The following UBE2D2 variants were observed in gnomAD, a reference collection of about 807,000 sequenced individuals.
UBE2D2 encodes ubiquitin-conjugating enzyme E2 D2.
UBE2D2 carries 2 observed loss-of-function variants against 24.2 expected under a neutral mutation model. That is an observed-to-expected ratio of 0.08 (90% confidence interval 0.03 to 0.26). The LOEUF (loss-of-function observed/expected upper bound fraction) is 0.26. Ranked by LOEUF, UBE2D2 falls within the 10% of genes least tolerant of loss-of-function variation. The pLI is 1.00. For synonymous variants in UBE2D2, 58 were observed against 56.5 expected, an observed-to-expected ratio of 1.03 and a Z score of -0.12; for missense variants, 44 against 177.6, an observed-to-expected ratio of 0.25 and a Z score of 4.28.
chr5:139,570,631 C>T (rs1464688981), intron 1 of UBE2D2, among the ~76,000 whole-genome samples: 1 of 152,200 alleles, frequency 6.6e-6, no homozygotes, highest in Admixed American at 6.6e-5. Context: ...CCAGCTTCAG[C>T]CTCCAGAGTA....
At chr5:139,551,633 A>G (rs1414389150) in intron 1 of UBE2D2, among the ~76,000 whole-genome samples, 1 of 152,208 alleles carries the variant, frequency 6.6e-6, no homozygotes, top group African/African-American at 2.4e-5. Flanking sequence ...GATGCTAGAC[A>G]CTGGGGATTA....
intron 1 of UBE2D2, among the ~76,000 whole-genome samples, chr5:139,538,813 C>A (rs977561460): frequency 1.3e-5 from 2 of 149,916 alleles, no homozygotes; most frequent in East Asian, 4.0e-4. Flanking sequence ...GCGGAGGTTG[C>A]GGTGAGCGAT....
At chr5:139,614,517 A>ATATGT (rs1390058509) in intron 2 of UBE2D2, 69 bp from the exon 3 acceptor site, 9 of 1,546,428 alleles carry the variant, frequency 5.8e-6, no homozygotes, top group Non-Finnish European at 7.1e-6. Context: ...AAGGGGAATG[A>ATATGT]TATGTTACTA....
rs1169340176 is a variant in UBE2D2, at chr5:139,603,623, GAAAAAAA to G, written c.88+3205_88+3211del. On this transcript the variant is annotated intron_variant, in intron 2 of 6. Transcript: ENST00000398733. ...GGTGACAGAGTGAGACTCTGTCTCC[GAAAAAAA>G]AAAAAAAAAAAAAAAAGGCTGGGTG... Among the ~76,000 whole-genome samples, 152 of 37,216 alleles carry G rather than the reference GAAAAAAA, an allele frequency of 4.1e-3. 1 individual carries two copies. Among genetic ancestry groups the G allele is most frequent in the African/African-American group, 0.017 (145 of 8,598 alleles). 24.4% of individuals were successfully genotyped at this position (37,216 alleles called of 152,430 possible).
At chr5:139,604,247 TCTC>T (rs1402001623) in intron 2 of UBE2D2, among the ~76,000 whole-genome samples, 1 of 151,602 alleles carries the variant, frequency 6.6e-6, no homozygotes, top group African/African-American at 2.4e-5. Flanking sequence ...TTCAAGCAGT[TCTC>T]CTGCCTCAGC....
intron 1 of UBE2D2, among the ~76,000 whole-genome samples, chr5:139,533,243 G>A (rs1473135711): frequency 6.6e-6 from 1 of 151,952 alleles, no homozygotes; most frequent in South Asian, 2.1e-4. Context: ...GAGTGCAGTG[G>A]TGCAATCTCA....
chr5:139,599,354 G>T (rs1351316057), intron 1 of UBE2D2, among the ~76,000 whole-genome samples: 1 of 152,044 alleles, frequency 6.6e-6, no homozygotes, highest in African/African-American at 2.4e-5. Flanking sequence ...GACTTTAGGA[G>T]CTTGTCCCAA....
intron 1 of UBE2D2, among the ~76,000 whole-genome samples, chr5:139,572,861 C>A (rs1753382934): frequency 1.3e-5 from 2 of 151,898 alleles, no homozygotes. Context: ...CCAGGCTGGT[C>A]TTGAACTCCT....
intron 6 of UBE2D2, among the ~76,000 whole-genome samples, chr5:139,625,807 G>A (rs1322080627): frequency 1.3e-5 from 2 of 151,896 alleles, no homozygotes; most frequent in South Asian, 2.1e-4. Context: ...ATTTTGCCAT[G>A]TTGGCCAGGC....
Position 139,561,556 on chromosome 5 carries a change from C to T in UBE2D2, c.-236C>T. On this transcript the variant is annotated 5_prime_UTR_variant, in exon 1 of 7. Coordinates refer to ENST00000398733, the MANE Select transcript of UBE2D2 (RefSeq NM_003339.3). Reference sequence around the variant, plus strand: ...GCTACGGCGGCGGCGGCGGTGGCGGCTAGGGCGGCGGCGAATAAAGGGGCC... The same window carrying T: ...GCTACGGCGGCGGCGGCGGTGGCGGTTAGGGCGGCGGCGAATAAAGGGGCC... The T allele has an allele frequency of 2.4e-6, 1 of 420,842 alleles. No individual in the cohort carries two copies. The highest frequency in any genetic ancestry group is 4.2e-6 in the Non-Finnish European group (1 of 239,238). 26.1% of individuals were successfully genotyped at this position (420,842 alleles called of 1,614,324 possible). A position where few individuals can be genotyped will look rare whatever the true frequency, so the allele number is the denominator to read the frequency against.
rs545681402 is a variant in UBE2D2 at position 139,598,159 on chromosome 5, G to A, written c.25-2213G>A. Among the ~76,000 whole-genome samples the A allele has an allele frequency of 1.5e-3, 222 of 152,186 alleles. 1 individual carries two copies. The highest frequency in any genetic ancestry group is 4.7e-3 in the African/African-American group (194 of 41,516). ...CTCGTGATCTGCCTGCCTCAGCCTC[G>A]TGCTGGGATTACAGGCATGAGTCAC... On this transcript the variant is annotated intron_variant, in intron 1 of 6. Coordinates refer to ENST00000398733, the MANE Select transcript of UBE2D2 (RefSeq NM_003339.3).
upstream of UBE2D2, chr5:139,561,251 C>A (rs1437397748): frequency 6.6e-6 from 1 of 152,446 alleles, no homozygotes; most frequent in African/African-American, 2.4e-5. Context: ...CCCTCCGCCG[C>A]CGGCGCGGCT....
intron 2 of UBE2D2, among the ~76,000 whole-genome samples, chr5:139,613,967 CAGG>C (rs568358807): frequency 2.0e-5 from 3 of 149,394 alleles, no homozygotes; most frequent in Non-Finnish European, 4.4e-5. Context: ...GAGGCTGAGG[CAGG>C]AGAATTGCTT....
intron 2 of UBE2D2, among the ~76,000 whole-genome samples, chr5:139,611,331 C>A (rs1490938576): frequency 6.6e-6 from 1 of 151,628 alleles, no homozygotes; most frequent in African/African-American, 2.4e-5. Context: ...GGATTACAGA[C>A]GCCCGCCATC....
chr5:139,606,773 G>A (rs753992660), intron 2 of UBE2D2, among the ~76,000 whole-genome samples: 101 of 152,068 alleles, frequency 6.6e-4, no homozygotes, highest in Non-Finnish European at 1.3e-3. Flanking sequence ...CTATTTTGGG[G>A]GTCCTTTTTA....
At chr5:139,607,162 G>C (rs1754217621) in intron 2 of UBE2D2, among the ~76,000 whole-genome samples, 1 of 152,168 alleles carries the variant, frequency 6.6e-6, no homozygotes, top group South Asian at 2.1e-4. Context: ...TCTGTCACTA[G>C]CTTCTCTGAT....
chr5:139,560,584 A>G (rs918423597), upstream of UBE2D2, among the ~76,000 whole-genome samples: 1 of 152,130 alleles, frequency 6.6e-6, no homozygotes, highest in Non-Finnish European at 1.5e-5. Context: ...CGCCAGCCTC[A>G]GCCTCCCAAA....
chr5:139,582,710 G>C (rs568175296), intron 1 of UBE2D2, among the ~76,000 whole-genome samples: 2 of 130,838 alleles, frequency 1.5e-5, no homozygotes, highest in African/African-American at 6.0e-5. Flanking sequence ...TTGCTCTGTC[G>C]CCCAGGCTGG....
chr5:139,605,711 CTCTCCCTCCCT>C (rs534796457), intron 2 of UBE2D2, among the ~76,000 whole-genome samples: 4 of 150,412 alleles, frequency 2.7e-5, no homozygotes, highest in East Asian at 3.9e-4. Context: ...TCCCCTCCCT[CTCTCCCTCCCT>C]TCTCCCTCGT....
Sources: gnomAD v4.1 joint callset for allele counts (sites outside exome capture counted in the v4.1 genomes callset) on GRCh38, gnomAD v4.1.1 for gene constraint, MANE v1.5 for transcripts, NCBI Gene and HGNC (gene_info 2026-07-23, HGNC 2026-07-21) for gene names.